Variants in IL1RN observed in about 807,000 individuals in gnomAD.
The protein encoded by IL1RN is interleukin-1 receptor antagonist protein.
Under a neutral mutation model 13.7 loss-of-function variants are expected in IL1RN, and 10 were observed. The ratio of observed to expected loss-of-function variants is 0.73; its 90% CI spans 0.45 to 1.24. The LOEUF (loss-of-function observed/expected upper bound fraction) is 1.24, where lower values mean the gene tolerates loss of function less well. Among genes scored for constraint, IL1RN ranks in the 50% most tolerant of loss-of-function variants. The pLI, the probability that IL1RN is intolerant of heterozygous loss-of-function variation, is 0.00. For missense variants in IL1RN, 213 were observed against 222.1 expected, an observed-to-expected ratio of 0.96 and a Z score of 0.26; for synonymous variants, 102 against 82.7, an observed-to-expected ratio of 1.23 and a Z score of -1.27.
chr2:113,108,943 C>G (rs1176419765), upstream of IL1RN, among the ~76,000 whole-genome samples: 1 of 150,866 alleles, frequency 6.6e-6, no homozygotes, highest in South Asian at 2.1e-4. Context: ...AATTTTAGAC[C>G]CTGAGAAGTA....
upstream of IL1RN, among the ~76,000 whole-genome samples, chr2:113,124,160 C>T (rs1686876815): frequency 2.0e-5 from 3 of 152,234 alleles, no homozygotes; most frequent in South Asian, 6.2e-4. Flanking sequence ...TGACCAGGAC[C>T]TCCGATGAAA....
chr2:113,132,427 G>C (rs567578044), intron 3 of IL1RN, among the ~76,000 whole-genome samples: 1 of 152,192 alleles, frequency 6.6e-6, no homozygotes, highest in South Asian at 2.1e-4. Context: ...CAGCCTAGGC[G>C]ACAGAGCAAG....
intron 1 of IL1RN, among the ~76,000 whole-genome samples, chr2:113,119,248 C>T (rs1686686377): frequency 6.6e-6 from 1 of 152,178 alleles, no homozygotes. Flanking sequence ...AGGCGCCTTG[C>T]TGAGCACTTT....
chr2:113,103,602 T>C (rs1686346008), upstream of IL1RN, among the ~76,000 whole-genome samples: 1 of 152,212 alleles, frequency 6.6e-6, no homozygotes, highest in South Asian at 2.1e-4. Flanking sequence ...GAGCCCAGTG[T>C]CACCTCTGTC....
At chr2:113,109,880 G>A (rs998443445), upstream of IL1RN, among the ~76,000 whole-genome samples, 3 of 152,116 alleles carry the variant, frequency 2.0e-5, no homozygotes, top group South Asian at 2.1e-4. Context: ...TGACCAAGGT[G>A]CTGTCTTCAT....
the IL1RN span, among the ~76,000 whole-genome samples, chr2:113,099,994 A>C: frequency 7.7e-6 from 1 of 130,696 alleles, no homozygotes; most frequent in Non-Finnish European, 1.6e-5. Flanking sequence ...TCGGCCTCCC[A>C]AAGTGCTGGG....
upstream of IL1RN, chr2:113,113,070 G>A (rs1398925112): frequency 3.9e-5 from 6 of 152,182 alleles, no homozygotes; most frequent in Non-Finnish European, 7.3e-5. Flanking sequence ...ATTCGTATCG[G>A]TCTGAGTTGG....
At chr2:113,120,053 AC>A (rs1686715349) in intron 1 of IL1RN, 1 of 1,610,964 alleles carries the variant, frequency 6.2e-7, no homozygotes, top group Non-Finnish European at 8.5e-7. Flanking sequence ...GGGTCCCACC[AC>A]TTCCCTTACA....
upstream of IL1RN, among the ~76,000 whole-genome samples, chr2:113,110,261 T>A (rs1268401325): frequency 6.6e-6 from 1 of 152,340 alleles, no homozygotes; most frequent in South Asian, 2.1e-4. Context: ...CTCTGAAGCC[T>A]TTGAGGAAAC....
intron 1 of IL1RN, among the ~76,000 whole-genome samples, chr2:113,128,664 G>T (rs1489685478): frequency 2.6e-5 from 4 of 152,178 alleles, no homozygotes; most frequent in Non-Finnish European, 2.9e-5. Flanking sequence ...ACAGGCCAAT[G>T]CTGCCATATG....
upstream of IL1RN, among the ~76,000 whole-genome samples, chr2:113,105,340 A>G (rs1686371864): frequency 6.6e-6 from 1 of 152,224 alleles, no homozygotes; most frequent in African/African-American, 2.4e-5. Flanking sequence ...CATGGTGATT[A>G]TATATCATCT....
chr2:113,100,568 T>G, the IL1RN span, among the ~76,000 whole-genome samples: 1 of 152,168 alleles, frequency 6.6e-6, no homozygotes, highest in African/African-American at 2.4e-5. Context: ...CCATTGCATT[T>G]CCTACAGGGC....
intron 3 of IL1RN, 64 bp from the exon 4 acceptor site, chr2:113,132,592 G>A: frequency 6.9e-7 from 1 of 1,440,064 alleles, no homozygotes; most frequent in Non-Finnish European, 9.8e-7. Context: ...GCGTGGAGTG[G>A]AGAGGGAGGC....
intron 1 of IL1RN, chr2:113,118,033 G>T: frequency 2.5e-6 from 4 of 1,609,026 alleles, no homozygotes; most frequent in Non-Finnish European, 3.4e-6. Flanking sequence ...CTTTAGGTAA[G>T]CTCCTTCCAC....
chr2:113,124,779 G>C (rs1686897826), upstream of IL1RN, among the ~76,000 whole-genome samples: 2 of 152,020 alleles, frequency 1.3e-5, no homozygotes, highest in South Asian at 4.1e-4. Context: ...GACACAGGGG[G>C]ATTCAGACCT....
chr2:113,121,098 C>A (rs1018491215), intron 2 of IL1RN, among the ~76,000 whole-genome samples: 2 of 147,632 alleles, frequency 1.4e-5, no homozygotes, highest in African/African-American at 4.9e-5. Context: ...TCTTCTTCCT[C>A]TTCCTCTTCC....
At chr2:113,117,697 A>C (rs1418809207), upstream of IL1RN, 2 of 522,872 alleles carry the variant, frequency 3.8e-6, no homozygotes, top group Non-Finnish European at 6.9e-6. Flanking sequence ...AGTTCTCTGC[A>C]TGTGACCTCC....
intron 1 of IL1RN, chr2:113,118,103 T>C: frequency 6.2e-7 from 1 of 1,611,366 alleles, no homozygotes; most frequent in East Asian, 2.2e-5. Context: ...GTTTATCAAA[T>C]GCTTTCAGGC....
At chr2:113,099,890 A>T in the IL1RN span, among the ~76,000 whole-genome samples, 2 of 136,002 alleles carry the variant, frequency 1.5e-5, no homozygotes, top group East Asian at 2.1e-4. Context: ...ACCTGCCACC[A>T]CGCCCGGCTA....
Sources: allele counts gnomAD v4.1 joint callset (sites outside exome capture counted in the v4.1 genomes callset), GRCh38; gene constraint gnomAD v4.1.1; transcripts MANE v1.5; gene names NCBI Gene and HGNC (gene_info 2026-07-23, HGNC 2026-07-21).